ACTMAP: variants seen among roughly 807,000 people sequenced by gnomAD.
ACTMAP encodes the protein UPF0692 protein C19orf54.
chr19:40,745,711 T>C, the ACTMAP span, among the ~76,000 whole-genome samples: 1 of 152,170 alleles, frequency 6.6e-6, no homozygotes, highest in Non-Finnish European at 1.5e-5. Flanking sequence ...TTGCTCGTTT[T>C]GCCCATACTG....
chr19:40,747,706 T>C, the ACTMAP span, among the ~76,000 whole-genome samples: 3 of 151,686 alleles, frequency 2.0e-5, no homozygotes, highest in Non-Finnish European at 2.9e-5. Flanking sequence ...AAAATATATA[T>C]GTACAAAAAA....
chr19:40,749,398 AC>A, the ACTMAP span: 1 of 1,363,458 alleles, frequency 7.3e-7, no homozygotes, highest in Non-Finnish European at 1.0e-6. Flanking sequence ...TCTTGAGGAC[AC>A]GGGAACCCCC....
At chr19:40,744,622 G>A in the ACTMAP span, 1 of 1,613,846 alleles carries the variant, frequency 6.2e-7, no homozygotes, top group Non-Finnish European at 8.5e-7. Flanking sequence ...AGTCTCTCCA[G>A]GGGGACGCCA....
chr19:40,743,813 G>A, the ACTMAP span: 2 of 1,496,698 alleles, frequency 1.3e-6, no homozygotes, highest in Non-Finnish European at 1.9e-6. Context: ...TGGCTGGGGA[G>A]GCACCAGCAC....
chr19:40,750,016 G>C, the ACTMAP span: 2 of 443,018 alleles, frequency 4.5e-6, no homozygotes, highest in Non-Finnish European at 7.9e-6. Context: ...GGCACCTGAC[G>C]GTTAACAGGG....
chr19:40,742,614 C>G, the ACTMAP span: 16 of 1,612,032 alleles, frequency 9.9e-6, no homozygotes, highest in Non-Finnish European at 1.4e-5. Flanking sequence ...CCAACTCTTG[C>G]CCTGCTTGGA....
At chr19:40,748,638 C>T in the ACTMAP span, among the ~76,000 whole-genome samples, 2 of 152,228 alleles carry the variant, frequency 1.3e-5, no homozygotes, top group African/African-American at 4.8e-5. Flanking sequence ...AGTCTCAGTC[C>T]CTTTGCACGA....
At chr19:40,742,634 G>C in the ACTMAP span, 1 of 1,613,208 alleles carries the variant, frequency 6.2e-7, no homozygotes, top group Non-Finnish European at 8.5e-7. Flanking sequence ...ACAGCAGGTA[G>C]ACAGCTCCCG....
At chr19:40,749,224 C>T in the ACTMAP span, among the ~76,000 whole-genome samples, 1 of 152,144 alleles carries the variant, frequency 6.6e-6, no homozygotes, top group African/African-American at 2.4e-5. Context: ...CTCCTGACCT[C>T]AGGTGATCCA....
the ACTMAP span, chr19:40,740,892 T>C: frequency 1.3e-5 from 5 of 397,948 alleles, no homozygotes; most frequent in African/African-American, 1.0e-4. Flanking sequence ...GCATCTGGAG[T>C]GTATTTGGAC....
the ACTMAP span, chr19:40,741,598 A>G: frequency 2.2e-4 from 89 of 395,850 alleles, 1 homozygote; most frequent in South Asian, 1.4e-3. Flanking sequence ...AGAAGTTTGT[A>G]TAAGTGGACA....
chr19:40,749,585 G>T, the ACTMAP span: 5 of 1,551,256 alleles, frequency 3.2e-6, no homozygotes, highest in South Asian at 6.0e-5. Context: ...TCTCCAGGCC[G>T]AAGACATGAC....
At chr19:40,749,381 T>A in the ACTMAP span, 1 of 1,221,470 alleles carries the variant, frequency 8.2e-7, no homozygotes, top group Non-Finnish European at 1.1e-6. Context: ...GTAGTCAGCC[T>A]GTTTGATCTT....
At chr19:40,743,860 G>C in the ACTMAP span, 1 of 1,602,274 alleles carries the variant, frequency 6.2e-7, no homozygotes, top group Non-Finnish European at 8.6e-7. Context: ...ATGGAGGCCG[G>C]GGAGACCCAG....
chr19:40,741,993 T>A, the ACTMAP span: 1 of 446,594 alleles, frequency 2.2e-6, no homozygotes, highest in Non-Finnish European at 4.5e-6. Flanking sequence ...GGGGTGGGAC[T>A]CAATGATCCG....
the ACTMAP span, among the ~76,000 whole-genome samples, chr19:40,746,405 GT>G: frequency 6.7e-6 from 1 of 149,732 alleles, no homozygotes; most frequent in Non-Finnish European, 1.5e-5. Flanking sequence ...TTTTGTTTTT[GT>G]TTTTTTTTGA....
chr19:40,749,773 G>A, the ACTMAP span: 2 of 1,472,256 alleles, frequency 1.4e-6, no homozygotes, highest in South Asian at 1.4e-5. Flanking sequence ...GAAATTGGTG[G>A]TTTTAGGGGA....
At chr19:40,745,540 C>T in the ACTMAP span, among the ~76,000 whole-genome samples, 4 of 152,306 alleles carry the variant, frequency 2.6e-5, no homozygotes, top group Non-Finnish European at 5.9e-5. Flanking sequence ...GCTCTGTTGC[C>T]CAGGATGGAA....
chr19:40,743,272 A>C, the ACTMAP span, among the ~76,000 whole-genome samples: 1 of 145,978 alleles, frequency 6.9e-6, no homozygotes, highest in African/African-American at 2.6e-5. Flanking sequence ...TTGCTCTGTC[A>C]CCCAGGTTGG....
Sources: allele counts gnomAD v4.1 joint callset (sites outside exome capture counted in the v4.1 genomes callset), GRCh38; gene constraint gnomAD v4.1.1; transcripts MANE v1.5; gene names NCBI Gene and HGNC (gene_info 2026-07-23, HGNC 2026-07-21).